Variants in NSD1 observed in about 807,000 individuals in gnomAD.
The protein encoded by NSD1 is nuclear receptor binding SET domain protein 1.
Under a neutral mutation model 242.7 loss-of-function variants are expected in NSD1, and 26 were observed. That is an observed-to-expected ratio of 0.11 (90% CI 0.08 to 0.15). NSD1 has a LOEUF of 0.15. NSD1 is among the 10% of genes least tolerant of loss of function. The pLI is 1.00. For synonymous variants in NSD1, 1,106 were observed against 1,178.1 expected, an observed-to-expected ratio of 0.94 and a Z score of 1.25; for missense variants, 2,495 against 3,272.8, an observed-to-expected ratio of 0.76 and a Z score of 5.80.
Position 177,246,753 on chromosome 5 carries a change from A to G in NSD1, c.4454A>G (p.Lys1485Arg), listed in dbSNP as rs1766329348. The change falls in exon 10 of 23, where the codon AAA (lysine) becomes AGA (arginine). Residue 1485 changes from lysine (K) to arginine (R), a missense_variant. By Grantham distance (26) the Lys-to-Arg change is conservative. Coordinates refer to ENST00000439151, the MANE Select transcript of NSD1 (RefSeq NM_022455.5). Reference sequence around the variant, plus strand: ...GCTGCAGCCAAGATGCAGTGTAAAAAAGTGAAAAATGATGACTCGTCAAAA... The same window carrying G: ...GCTGCAGCCAAGATGCAGTGTAAAAGAGTGAAAAATGATGACTCGTCAAAA... ...RHAAAKMQCK[K>R]VKNDDSSKEI... The G allele has an allele frequency of 1.9e-6, 3 of 1,614,016 alleles. No individual in the cohort carries two copies. The highest frequency in any genetic ancestry group is 4.5e-5 in the East Asian group (2 of 44,898).
At chr5:177,247,701 C>T (rs1766413737) in intron 10 of NSD1, among the ~76,000 whole-genome samples, 1 of 152,096 alleles carries the variant, frequency 6.6e-6, no homozygotes, top group African/African-American at 2.4e-5. Context: ...AGATTTAAAA[C>T]CATTTACTTG....
chr5:177,274,113 C>G (rs574598219), intron 17 of NSD1, among the ~76,000 whole-genome samples: 1 of 152,084 alleles, frequency 6.6e-6, no homozygotes, highest in South Asian at 2.1e-4. Flanking sequence ...GAGATCGTGC[C>G]ACTACACTCA....
chr5:177,186,542 G>A (rs531615189), intron 2 of NSD1, among the ~76,000 whole-genome samples: 588 of 152,086 alleles, frequency 3.9e-3, no homozygotes, highest in South Asian at 8.5e-3. Flanking sequence ...TAAAGATCTC[G>A]TCCAAAATTC....
At chr5:177,258,592 A>G (rs552364386) in intron 13 of NSD1, among the ~76,000 whole-genome samples, 45 of 151,632 alleles carry the variant, frequency 3.0e-4, no homozygotes, top group African/African-American at 1.0e-3. Context: ...CTGGAGTGCA[A>G]TGGCTCGATC....
At chr5:177,214,801 G>A (rs549815456) in intron 5 of NSD1, among the ~76,000 whole-genome samples, 77 of 151,800 alleles carry the variant, frequency 5.1e-4, no homozygotes, top group Non-Finnish European at 9.0e-4. Flanking sequence ...GTGGGTTCAA[G>A]CAATTCTCCT....
At position 177,159,808 on chromosome 5, in the gene NSD1, C is replaced by T. The variant is rs1317340434; in HGVS notation, c.927+23778C>T. On this transcript the variant is annotated intron_variant, in intron 2 of 22. Transcript: ENST00000439151. Reference sequence around the variant, plus strand: ...GGTTTCTCCGTGTTGAGACTGGTCTCGAACTCCTGACCTCAGGTGATCCGC... The same window carrying T: ...GGTTTCTCCGTGTTGAGACTGGTCTTGAACTCCTGACCTCAGGTGATCCGC... Among the ~76,000 whole-genome samples, 4 of 148,048 alleles carry T rather than the reference C, an allele frequency of 2.7e-5. No individual in the cohort carries two copies. In the East Asian group the frequency reaches 8.0e-4, roughly 30 times the overall value.
At chr5:177,233,687 A>G (rs965026137) in intron 5 of NSD1, among the ~76,000 whole-genome samples, 3 of 152,042 alleles carry the variant, frequency 2.0e-5, no homozygotes, top group Admixed American at 6.6e-5. Flanking sequence ...ATATCTAGGG[A>G]CATCTTTTCT....
intron 2 of NSD1, among the ~76,000 whole-genome samples, chr5:177,158,282 TTTC>T (rs1455928214): frequency 1.6e-3 from 162 of 102,564 alleles, no homozygotes; most frequent in African/African-American, 5.6e-3. Context: ...TCTTTCTTTC[TTTC>T]TTTCTTTCTT....
chr5:177,250,396 C>G (rs1755838729), intron 11 of NSD1, among the ~76,000 whole-genome samples: 1 of 152,104 alleles, frequency 6.6e-6, no homozygotes, highest in African/African-American at 2.4e-5. Flanking sequence ...TGTGCTGTCA[C>G]AATTTATTAA....
chr5:177,206,940 T>C lies in NSD1; in HGVS notation c.1236+2648T>C, dbSNP rs939405887. ...GCTACTCCTCTAGTTACCCTAATTT[T>C]TTTTTTTTCTTTTTGAGATGGAGTC... On this transcript the variant is annotated intron_variant, in intron 4 of 22. Coordinates refer to ENST00000439151, the MANE Select transcript of NSD1 (RefSeq NM_022455.5). Among the ~76,000 whole-genome samples the C allele has an allele frequency of 6.5e-4, 99 of 152,132 alleles. No individual in the cohort carries two copies. The Middle Eastern group carries it at 0.01, about 16-fold the overall frequency.
chr5:177,165,865 G>A (rs952424650), intron 2 of NSD1, among the ~76,000 whole-genome samples: 10 of 151,424 alleles, frequency 6.6e-5, no homozygotes, highest in Admixed American at 6.6e-5. Context: ...TTGGCCTCCC[G>A]AAGTGGTGGG....
chr5:177,291,351 A>T (rs1283301514), intron 21 of NSD1, among the ~76,000 whole-genome samples: 1 of 152,184 alleles, frequency 6.6e-6, no homozygotes, highest in Non-Finnish European at 1.5e-5. Context: ...CTGAAAGTAG[A>T]CGAATATAAA....
intron 5 of NSD1, among the ~76,000 whole-genome samples, chr5:177,217,800 T>C (rs948877822): frequency 2.0e-5 from 3 of 151,690 alleles, no homozygotes; most frequent in Non-Finnish European, 4.4e-5. Context: ...CCTGAGTAGA[T>C]GGGATTACAG....
chr5:177,186,917 G>C (rs1761281314), intron 2 of NSD1, among the ~76,000 whole-genome samples: 1 of 151,770 alleles, frequency 6.6e-6, no homozygotes, highest in Non-Finnish European at 1.5e-5. Flanking sequence ...CTGAGGCTGT[G>C]TCTCAAAAAA....
chr5:177,231,142 G>A (rs1231301840), intron 5 of NSD1, among the ~76,000 whole-genome samples: 1 of 152,200 alleles, frequency 6.6e-6, no homozygotes, highest in Non-Finnish European at 1.5e-5. Context: ...CTGGAGTGCA[G>A]TTGCACAATC....
At chr5:177,280,948 C>A in intron 18 of NSD1, 114 bp downstream of exon 18, 1 of 1,194,420 alleles carries the variant, frequency 8.4e-7, no homozygotes, top group Non-Finnish European at 1.2e-6. Flanking sequence ...TAATAATTAA[C>A]CTTATTGTTG....
At chr5:177,283,528 G>A (rs530117577) in intron 19 of NSD1, among the ~76,000 whole-genome samples, 6 of 152,202 alleles carry the variant, frequency 3.9e-5, no homozygotes, top group South Asian at 2.1e-4. Context: ...TATATATAAC[G>A]CAGAATGCTG....
At chr5:177,273,841 TC>T in intron 17 of NSD1, 57 bp downstream of exon 17, 16 of 1,121,470 alleles carry the variant, frequency 1.4e-5, no homozygotes, top group South Asian at 2.5e-5. Context: ...AGCTGGCTCT[TC>T]CCACTCTGTT....
In NSD1 at chr5:177,269,402, T is replaced by C. The variant is rs1405692518; in HGVS notation, c.5304-200T>C. 6.6e-6 allele frequency among the ~76,000 whole-genome samples: 1 copy of C among 152,178 alleles called. No homozygotes were observed. The highest frequency in any genetic ancestry group is 2.4e-5 in the African/African-American group (1 of 41,434). ...TTGAGTCTAAGGGAGTGCGCGCCTG[T>C]GTGGGAATGTGGGCAGATGTTTTCC... On this transcript the variant is annotated intron_variant, in intron 15 of 22. Coordinates refer to ENST00000439151, the MANE Select transcript of NSD1 (RefSeq NM_022455.5). This position sits in a 1 kb window ranked among gnomAD's most constrained non-coding sequence, Gnocchi z 5.1.
Sources: allele counts gnomAD v4.1 joint callset (sites outside exome capture counted in the v4.1 genomes callset), GRCh38; gene constraint gnomAD v4.1.1; non-coding constraint Gnocchi (gnomAD v3.1); transcripts MANE v1.5; gene names NCBI Gene and HGNC (gene_info 2026-07-23, HGNC 2026-07-21).